Variants in CSMD1 observed in about 807,000 individuals in gnomAD.
The protein encoded by CSMD1 is CUB and Sushi multiple domains 1, also known as CUB and sushi domain-containing protein 1.
A neutral mutation model predicts 417.5 loss-of-function variants in CSMD1; 213 were observed. The ratio of observed to expected loss-of-function variants is 0.51; its 90% CI spans 0.46 to 0.57. The LOEUF is 0.57. CSMD1 is among the 20% of genes least tolerant of loss of function. CSMD1 has a pLI of 0.00. For missense variants in CSMD1, 6,923 were observed against 4,529.7 expected, an observed-to-expected ratio of 1.53 and a Z score of -15.17; for synonymous variants, 2,862 against 1,736.8, an observed-to-expected ratio of 1.65 and a Z score of -16.11.
chr8:2,939,300 C>A (rs762793057), intron 69 of CSMD1, among the ~76,000 whole-genome samples: 1 of 152,236 alleles, frequency 6.6e-6, no homozygotes, highest in African/African-American at 2.4e-5. Flanking sequence ...TATGCTTACA[C>A]TAAATTTCAA....
intron 1 of CSMD1, among the ~76,000 whole-genome samples, chr8:4,860,764 A>G (rs1355193106): frequency 6.6e-6 from 1 of 152,118 alleles, no homozygotes; most frequent in Non-Finnish European, 1.5e-5. Context: ...GTTCCTGGTA[A>G]TTTATCACTA....
intron 2 of CSMD1, among the ~76,000 whole-genome samples, chr8:4,488,778 T>C (rs546809216): frequency 6.6e-6 from 1 of 152,194 alleles, no homozygotes; most frequent in African/African-American, 2.4e-5. Flanking sequence ...GTCCTGCGTA[T>C]CCAAAAAGGA....
chr8:4,098,402 G>C (rs968282958), intron 3 of CSMD1, among the ~76,000 whole-genome samples: 2 of 141,734 alleles, frequency 1.4e-5, no homozygotes, highest in African/African-American at 5.7e-5. Flanking sequence ...AAATGGATTT[G>C]TCATTTTTTT....
At chr8:4,790,770 G>T (rs1014226787) in intron 1 of CSMD1, among the ~76,000 whole-genome samples, 1 of 152,148 alleles carries the variant, frequency 6.6e-6, no homozygotes, top group Non-Finnish European at 1.5e-5. Flanking sequence ...TAAGATAAAT[G>T]GCTAGCCATA....
intron 51 of CSMD1, among the ~76,000 whole-genome samples, chr8:3,028,170 T>G (rs949383927): frequency 1.4e-4 from 21 of 152,134 alleles, no homozygotes; most frequent in Non-Finnish European, 2.5e-4. Flanking sequence ...AAGATCCTAT[T>G]TCTGGTTTGA....
intron 8 of CSMD1, among the ~76,000 whole-genome samples, chr8:3,609,019 G>T (rs1308584387): frequency 2.6e-5 from 4 of 152,130 alleles, no homozygotes; most frequent in African/African-American, 4.8e-5. Flanking sequence ...CCCCTTTCCA[G>T]CGGTCCTGCA....
intron 3 of CSMD1, among the ~76,000 whole-genome samples, chr8:4,290,176 TGGACTTTTGAAAGAATCA>T (rs1431191812): frequency 6.6e-5 from 10 of 152,306 alleles, no homozygotes; most frequent in Non-Finnish European, 1.3e-4. Flanking sequence ...CAGAGTTGCG[TGGACTTTTGAAAGAATCA>T]GTCAAAGGAA....
At chr8:4,065,689 T>C (rs1799208944) in intron 3 of CSMD1, among the ~76,000 whole-genome samples, 1 of 152,206 alleles carries the variant, frequency 6.6e-6, no homozygotes, top group Non-Finnish European at 1.5e-5. Flanking sequence ...AGATCAAAAG[T>C]AGGAACACCA....
intron 5 of CSMD1, among the ~76,000 whole-genome samples, chr8:3,790,443 G>A: frequency 6.6e-6 from 1 of 152,270 alleles, no homozygotes; most frequent in Non-Finnish European, 1.5e-5. Flanking sequence ...TGATGGTGAT[G>A]ATGACACGGT....
In CSMD1 at chr8:4,969,492, T is replaced by C. The variant is rs371505699; in HGVS notation, c.85+24840A>G. On this transcript the variant is annotated intron_variant, in intron 1 of 69. Coordinates refer to ENST00000635120, the MANE Select transcript of CSMD1 (RefSeq NM_033225.6). ...TTCATTCATTCTCTCTCTCTCTTTC[T>C]GTCTCCATCCATTCCTCCACCCAAG... 4.6e-4 allele frequency among the ~76,000 whole-genome samples: 70 copies of C among 151,746 alleles called. 1 individual carries two copies. The East Asian group carries it at 9.0e-3, about 20-fold the overall frequency.
intron 46 of CSMD1, among the ~76,000 whole-genome samples, chr8:3,102,354 G>GTTTTAAACAAATTGACT (rs998344011): frequency 2.0e-5 from 3 of 152,268 alleles, no homozygotes; most frequent in African/African-American, 7.2e-5. Context: ...CTCTCCGGTT[G>GTTTTAAACAAATTGACT]TTTTAAACAA....
chr8:4,335,480 G>C (rs1337470742), intron 3 of CSMD1, among the ~76,000 whole-genome samples: 1 of 152,036 alleles, frequency 6.6e-6, no homozygotes, highest in African/African-American at 2.4e-5. Flanking sequence ...ATGGACTCCA[G>C]AATACAAATG....
intron 42 of CSMD1, among the ~76,000 whole-genome samples, chr8:3,117,980 T>C (rs969955725): frequency 1.3e-5 from 2 of 152,232 alleles, no homozygotes; most frequent in Non-Finnish European, 2.9e-5. Flanking sequence ...GAAATTATTA[T>C]AAAAGCTAAA....
At chr8:3,609,937 G>A (rs1218793062) in intron 8 of CSMD1, among the ~76,000 whole-genome samples, 1 of 149,362 alleles carries the variant, frequency 6.7e-6, no homozygotes, top group Non-Finnish European at 1.5e-5. Context: ...AAGTAGCTGG[G>A]ACTACGGGCG....
At chr8:4,904,958 C>T (rs560464073) in intron 1 of CSMD1, among the ~76,000 whole-genome samples, 24 of 152,238 alleles carry the variant, frequency 1.6e-4, no homozygotes, top group African/African-American at 5.5e-4. Flanking sequence ...AGGGACCATG[C>T]CGCCGCTTCA....
chr8:3,157,353 G>A (rs1043476120), intron 39 of CSMD1, among the ~76,000 whole-genome samples: 5 of 152,128 alleles, frequency 3.3e-5, no homozygotes. Flanking sequence ...TAACAGTTTA[G>A]GGAGTCTCAA....
At chr8:3,567,342 G>C (rs1340480458) in intron 10 of CSMD1, among the ~76,000 whole-genome samples, 2 of 151,696 alleles carry the variant, frequency 1.3e-5, no homozygotes, top group Non-Finnish European at 2.9e-5. Flanking sequence ...CCTGGGTGAT[G>C]AATCTGTACA....
At chr8:3,520,338 C>G (rs1797455908) in intron 10 of CSMD1, among the ~76,000 whole-genome samples, 1 of 151,980 alleles carries the variant, frequency 6.6e-6, no homozygotes, top group Non-Finnish European at 1.5e-5. Context: ...ACATAAACTG[C>G]AGAAGAATAT....
chr8:3,386,466 A>G (rs1811010152), intron 18 of CSMD1, among the ~76,000 whole-genome samples: 1 of 152,202 alleles, frequency 6.6e-6, no homozygotes, highest in African/African-American at 2.4e-5. Flanking sequence ...GGTCTCGGCC[A>G]CAGTGCCAGT....
Sources: gnomAD v4.1 joint callset for allele counts (sites outside exome capture counted in the v4.1 genomes callset) on GRCh38, gnomAD v4.1.1 for gene constraint, MANE v1.5 for transcripts, NCBI Gene and HGNC (gene_info 2026-07-23, HGNC 2026-07-21) for gene names.